STX17: variants seen among roughly 807,000 people sequenced by gnomAD.
STX17 encodes the protein syntaxin-17.
A neutral mutation model predicts 35.9 loss-of-function variants in STX17; 29 were observed. The ratio of observed to expected loss-of-function variants is 0.81; its 90% CI spans 0.60 to 1.10. STX17 has a LOEUF of 1.10. Ranked by LOEUF, STX17 falls within the 50% of genes least tolerant of loss-of-function variation. The probability of loss-of-function intolerance (pLI) is 0.00; values close to 1 mark genes in which losing one functional copy is unlikely to be tolerated. For missense variants in STX17, 312 were observed against 352.3 expected (o/e 0.89, Z 0.92); for synonymous variants, 92 against 118.3 (o/e 0.78, Z 1.44).
In STX17 at chr9:99,969,958, A is replaced by C. The variant is rs1461815066; in HGVS notation, c.*1285A>C. 6.5e-6 allele frequency: 1 copy of C among 152,686 alleles called. No homozygotes were observed. Among genetic ancestry groups the C allele is most frequent in the Non-Finnish European group, 1.5e-5 (1 of 68,102 alleles). The allele number at this position is 152,686 out of a possible 1,614,324, so 9.5% of individuals were successfully genotyped here. On this transcript the variant is annotated 3_prime_UTR_variant, in exon 8 of 8. Transcript: ENST00000259400. ...AGCAAGCATGGCCCAGCCCAACTGCATGTCTATCTCAAACCGCAGAAAGGC... is the reference window on the plus strand; with the variant it reads ...AGCAAGCATGGCCCAGCCCAACTGCCTGTCTATCTCAAACCGCAGAAAGGC...
rs1829961291 is a variant in STX17 at position 99,968,450 on chromosome 9, T to A, written c.686T>A (p.Leu229Gln). Reference protein sequence around the residue: ...KNLGKAAKYKLAALPVAGALI... With the variant: ...KNLGKAAKYKQAALPVAGALI... Reference sequence around the variant, plus strand: ...TTTTTACAGGCTGCAAAATACAAGCTGGCAGCTCTGCCTGTGGCAGGTGCA... The same window carrying A: ...TTTTTACAGGCTGCAAAATACAAGCAGGCAGCTCTGCCTGTGGCAGGTGCA... The change falls in exon 8 of 8, where the codon CTG becomes CAG. Residue 229 changes from leucine (L) to glutamine (Q), a missense_variant. Coordinates refer to ENST00000259400, the MANE Select transcript of STX17 (RefSeq NM_017919.3). 1 of 1,542,162 alleles carries A rather than the reference T, an allele frequency of 6.5e-7. No individual in the cohort carries two copies.
intron 2 of STX17, among the ~76,000 whole-genome samples, chr9:99,926,534 G>A (rs536083566): frequency 1.0e-3 from 156 of 150,170 alleles, no homozygotes; most frequent in African/African-American, 3.8e-3. Context: ...GTCTTGCTCT[G>A]TTGCCCAGGC....
intron 3 of STX17, among the ~76,000 whole-genome samples, chr9:99,947,277 A>T (rs549605432): frequency 6.6e-6 from 1 of 152,300 alleles, no homozygotes; most frequent in Non-Finnish European, 1.5e-5. Context: ...AATATTCATT[A>T]AAAAACCTAT....
intron 4 of STX17, among the ~76,000 whole-genome samples, chr9:99,955,542 A>G (rs1045148359): frequency 6.6e-6 from 1 of 152,122 alleles, no homozygotes; most frequent in Non-Finnish European, 1.5e-5. Context: ...TAGATTTATA[A>G]TAAAACTTTT....
chr9:99,948,002 G>A (rs996821398), intron 3 of STX17, among the ~76,000 whole-genome samples: 1 of 145,708 alleles, frequency 6.9e-6, no homozygotes, highest in Non-Finnish European at 1.5e-5. Flanking sequence ...TTCAACTTTT[G>A]AAGTAGCCAT....
At chr9:99,909,351 C>G (rs1828615782) in intron 1 of STX17, among the ~76,000 whole-genome samples, 1 of 152,096 alleles carries the variant, frequency 6.6e-6, no homozygotes, top group Admixed American at 6.6e-5. Context: ...TGCTATTTGA[C>G]TAGAGTGATA....
In STX17 at chr9:99,959,964, C is replaced by T; in HGVS notation, c.463C>T (p.Gln155Ter). The T allele has an allele frequency of 6.2e-7, 1 of 1,613,880 alleles. No individual in the cohort carries two copies. The change falls in exon 5 of 8, where the codon CAG becomes TAG. Residue 155 changes from glutamine to a stop codon, truncating the protein, a stop_gained. Transcript: ENST00000259400. LOFTEE classifies it high-confidence loss of function. ...TGAAGCTAGTTCTCAGAGTTTGACTCAGATATATGCCTTACCTGAAATTCC... is the reference window on the plus strand; with the variant it reads ...TGAAGCTAGTTCTCAGAGTTTGACTTAGATATATGCCTTACCTGAAATTCC... Reference protein sequence around the residue: ...EAEASSQSLTQIYALPEIPQD... With the variant: ...EAEASSQSLT
At chr9:99,911,325 G>A (rs1206704205) in intron 1 of STX17, among the ~76,000 whole-genome samples, 5 of 152,048 alleles carry the variant, frequency 3.3e-5, no homozygotes, top group South Asian at 2.1e-4. Context: ...GAGCCATCGC[G>A]CCTGACCCAT....
rs1830004077 is a variant in STX17 at position 99,970,792 on chromosome 9, C to T, written c.*2119C>T. On this transcript the variant is annotated 3_prime_UTR_variant, in exon 8 of 8. Transcript: ENST00000259400. ...TCCTTTCAGCCCACCAACTTAGCGG[C>T]AGCACTAGGGATTCATTATAAGGTA... Among the ~76,000 whole-genome samples, 1 of 152,200 alleles carries T rather than the reference C, an allele frequency of 6.6e-6. No homozygotes were observed.
At chr9:99,955,943 T>C (rs1337280744) in intron 4 of STX17, among the ~76,000 whole-genome samples, 1 of 152,170 alleles carries the variant, frequency 6.6e-6, no homozygotes, top group African/African-American at 2.4e-5. Flanking sequence ...ATCATGTCCA[T>C]AGCAGTTCGT....
intron 2 of STX17, among the ~76,000 whole-genome samples, chr9:99,924,888 A>G (rs1170242258): frequency 1.3e-5 from 2 of 152,256 alleles, no homozygotes; most frequent in South Asian, 2.1e-4. Context: ...CCACTTAAGT[A>G]TGGTGTTAAA....
intron 2 of STX17, among the ~76,000 whole-genome samples, chr9:99,917,738 T>C (rs779034297): frequency 2.1e-4 from 32 of 152,224 alleles, no homozygotes; most frequent in Non-Finnish European, 3.5e-4. Context: ...AATGACAAGA[T>C]AGTAAGCTTG....
intron 3 of STX17, among the ~76,000 whole-genome samples, chr9:99,931,061 A>G (rs544169340): frequency 6.6e-6 from 1 of 151,992 alleles, no homozygotes; most frequent in African/African-American, 2.4e-5. Flanking sequence ...GCTCACTGCA[A>G]TCTCCACCTC....
chr9:99,968,703 C>T lies in STX17; in HGVS notation c.*30C>T. 4 of 1,598,138 alleles carry T rather than the reference C, an allele frequency of 2.5e-6. No individual in the cohort carries two copies. Among genetic ancestry groups the T allele is most frequent in the South Asian group, 1.1e-5 (1 of 87,490 alleles). On this transcript the variant is annotated 3_prime_UTR_variant, in exon 8 of 8. Coordinates refer to ENST00000259400, the MANE Select transcript of STX17 (RefSeq NM_017919.3). Reference sequence around the variant, plus strand: ...CAAATTTCAGTATTATTGGTGCCAACATGTCTATCCTGAGGACCTTTGCTG... The same window carrying T: ...CAAATTTCAGTATTATTGGTGCCAATATGTCTATCCTGAGGACCTTTGCTG...
intron 3 of STX17, chr9:99,945,633 C>G: frequency 7.6e-6 from 2 of 263,568 alleles, no homozygotes; most frequent in Non-Finnish European, 1.5e-5. Flanking sequence ...TGTGCTATTT[C>G]TTAAACATAT....
At chr9:99,939,264 A>G (rs1829302689) in intron 3 of STX17, among the ~76,000 whole-genome samples, 1 of 152,206 alleles carries the variant, frequency 6.6e-6, no homozygotes. Flanking sequence ...ATGGAAAAGA[A>G]GATACAAGAG....
intron 3 of STX17, among the ~76,000 whole-genome samples, chr9:99,935,934 A>T (rs1829225200): frequency 6.6e-6 from 1 of 152,166 alleles, no homozygotes; most frequent in Admixed American, 6.5e-5. Flanking sequence ...AGTACAGGAG[A>T]TGAAGTCAAA....
intron 3 of STX17, among the ~76,000 whole-genome samples, chr9:99,949,601 G>A (rs1417877273): frequency 6.6e-6 from 1 of 151,532 alleles, no homozygotes; most frequent in African/African-American, 2.4e-5. Flanking sequence ...CTGTAATAAT[G>A]TAACACCTCA....
chr9:99,959,818 AC>A, intron 4 of STX17, 98 bp from the exon 5 acceptor site: 9 of 865,910 alleles, frequency 1.0e-5, no homozygotes, highest in Non-Finnish European at 1.7e-5. Flanking sequence ...TTAATTAGAC[AC>A]CATTTAACGT....
Sources: gnomAD v4.1 joint callset for allele counts (sites outside exome capture counted in the v4.1 genomes callset) on GRCh38, gnomAD v4.1.1 for gene constraint, MANE v1.5 for transcripts, NCBI Gene and HGNC (gene_info 2026-07-23, HGNC 2026-07-21) for gene names.